Variants in RFX3 observed in about 807,000 individuals in gnomAD.
The protein encoded by RFX3 is regulatory factor X3.
A neutral mutation model predicts 98.6 loss-of-function variants in RFX3; 14 were observed. The ratio of observed to expected loss-of-function variants is 0.14; its 90% CI spans 0.09 to 0.22. The LOEUF (loss-of-function observed/expected upper bound fraction) is 0.22. Among genes scored for constraint, RFX3 ranks in the 10% least tolerant of loss-of-function variants. RFX3 has a pLI of 1.00. For missense variants in RFX3, 639 were observed against 926.9 expected (o/e 0.69, Z 4.03); for synonymous variants, 383 against 328.4 (o/e 1.17, Z -1.80).
chr9:3,424,348 CTTTTTT>C (rs748693786), intron 1 of RFX3, among the ~76,000 whole-genome samples: 12 of 76,004 alleles, frequency 1.6e-4, no homozygotes, highest in East Asian at 3.8e-4. Flanking sequence ...ACATAATTGA[CTTTTTT>C]TTTTTTTTTT....
chr9:3,226,175 CAG>C (rs1027199959), intron 16 of RFX3, among the ~76,000 whole-genome samples: 2 of 152,128 alleles, frequency 1.3e-5, no homozygotes, highest in African/African-American at 4.8e-5. Flanking sequence ...CTTGTATAAA[CAG>C]AGTCAGGTCT....
rs79998712 is a variant in RFX3, at chr9:3,257,690, A to G, written c.1606-491T>C. Among the ~76,000 whole-genome samples, 282 of 152,324 alleles carry G rather than the reference A, an allele frequency of 1.9e-3. 2 individuals carry two copies. Among genetic ancestry groups the G allele is most frequent in the African/African-American group, 6.7e-3 (278 of 41,572 alleles). ...CAAAAGAGGTCCCCTCAAGATTAAAACAGAAACAAACACTAAATGATACTA... is the reference window on the plus strand; with the variant it reads ...CAAAAGAGGTCCCCTCAAGATTAAAGCAGAAACAAACACTAAATGATACTA... On this transcript the variant is annotated intron_variant, in intron 13 of 16. Transcript: ENST00000617270.
intron 4 of RFX3, among the ~76,000 whole-genome samples, chr9:3,316,741 C>A (rs1224268023): frequency 2.0e-5 from 3 of 152,098 alleles, no homozygotes; most frequent in African/African-American, 4.8e-5. Flanking sequence ...GACAGAGAGC[C>A]AAATCATGAA....
At chr9:3,426,983 C>T (rs1844101915) in intron 1 of RFX3, among the ~76,000 whole-genome samples, 1 of 151,928 alleles carries the variant, frequency 6.6e-6, no homozygotes, top group Non-Finnish European at 1.5e-5. Context: ...TGGTATAGAA[C>T]ACTAGTAGTT....
At chr9:3,265,042 C>A in intron 12 of RFX3, among the ~76,000 whole-genome samples, 1 of 152,156 alleles carries the variant, frequency 6.6e-6, no homozygotes, top group Admixed American at 6.5e-5. Context: ...TACAACAGCA[C>A]TGCCAAAGAG....
At chr9:3,245,199 C>A (rs1820501886) in intron 15 of RFX3, among the ~76,000 whole-genome samples, 1 of 152,168 alleles carries the variant, frequency 6.6e-6, no homozygotes, top group African/African-American at 2.4e-5. Flanking sequence ...TTAAGGTATT[C>A]TGGAGTAACT....
intron 1 of RFX3, among the ~76,000 whole-genome samples, chr9:3,447,927 T>A (rs1022543375): frequency 4.6e-5 from 7 of 152,146 alleles, no homozygotes; most frequent in African/African-American, 1.7e-4. Flanking sequence ...CAGGCAAGCC[T>A]AATATACTCC....
At chr9:3,414,358 C>G (rs965236174) in intron 1 of RFX3, among the ~76,000 whole-genome samples, 2 of 151,962 alleles carry the variant, frequency 1.3e-5, no homozygotes, top group African/African-American at 2.4e-5. Flanking sequence ...AAGTCATTAT[C>G]TTGCAAAATC....
intron 1 of RFX3, among the ~76,000 whole-genome samples, chr9:3,418,326 A>G (rs868495044): frequency 2.6e-5 from 4 of 152,224 alleles, no homozygotes; most frequent in African/African-American, 2.4e-5. Flanking sequence ...TAAGAGCTCA[A>G]TAAATGGTAA....
At chr9:3,363,321 G>A (rs1244444991) in intron 2 of RFX3, among the ~76,000 whole-genome samples, 5 of 152,066 alleles carry the variant, frequency 3.3e-5, no homozygotes, top group African/African-American at 1.2e-4. Flanking sequence ...TCTAACTACA[G>A]AAAATTAAGT....
chr9:3,376,408 G>A (rs1383839898), intron 2 of RFX3, among the ~76,000 whole-genome samples: 4 of 152,230 alleles, frequency 2.6e-5, no homozygotes, highest in East Asian at 1.9e-4. Context: ...CAACCTAAAT[G>A]TTCAACAATA....
intron 3 of RFX3, among the ~76,000 whole-genome samples, chr9:3,341,648 T>C (rs1453482016): frequency 6.6e-6 from 1 of 152,166 alleles, no homozygotes; most frequent in Non-Finnish European, 1.5e-5. Context: ...CAAATATAGA[T>C]TGAGCACCGA....
chr9:3,524,690 T>C (rs1819042333), intron 1 of RFX3: 2 of 871,138 alleles, frequency 2.3e-6, no homozygotes, highest in Admixed American at 6.2e-5. Flanking sequence ...GTTAACACTC[T>C]ACTGCGGGGA....
chr9:3,271,038 A>G lies in RFX3; in HGVS notation c.1167T>C (p.Ser389=). Residue 389 remains serine, a synonymous_variant, in exon 10 of 17, where the codon TCT becomes TCC. Coordinates refer to ENST00000617270, the MANE Select transcript of RFX3 (RefSeq NM_001282116.2). ...LWQTFWRYSP[S]TPTDGTTITE... ...TAATGGTAGTGCCATCAGTTGGAGTAGAGGGAGAATAGCGCCAGAATGTTT... is the reference window on the plus strand; with the variant it reads ...TAATGGTAGTGCCATCAGTTGGAGTGGAGGGAGAATAGCGCCAGAATGTTT... 6.2e-7 allele frequency: 1 copy of G among 1,613,788 alleles called. No individual in the cohort carries two copies.
chr9:3,476,836 A>C (rs1849306451), intron 1 of RFX3, among the ~76,000 whole-genome samples: 1 of 152,152 alleles, frequency 6.6e-6, no homozygotes, highest in Non-Finnish European at 1.5e-5. Context: ...GGTGTAAAGC[A>C]GTATTTAAAA....
chr9:3,517,129 T>A (rs1818261034), intron 1 of RFX3, among the ~76,000 whole-genome samples: 1 of 152,242 alleles, frequency 6.6e-6, no homozygotes, highest in South Asian at 2.1e-4. Flanking sequence ...TGGCTCCATG[T>A]TATTGGCATG....
In RFX3 at chr9:3,220,554, A is replaced by G. The variant is rs1817289084; in HGVS notation, c.*4488T>C. On this transcript the variant is annotated 3_prime_UTR_variant, in exon 17 of 17. Transcript: ENST00000617270. ...TAGATGGCAGTGAATATTTGGGAAT[A>G]AATATATCAAGCCCTCTTGAAGAAA... 1 of 152,098 alleles carries G rather than the reference A, an allele frequency of 6.6e-6. No individual in the cohort carries two copies. The highest frequency in any genetic ancestry group is 2.4e-5 in the African/African-American group (1 of 41,432). The allele number at this position is 152,098 out of a possible 1,614,324, so 9.4% of individuals were successfully genotyped here.
intron 1 of RFX3, among the ~76,000 whole-genome samples, chr9:3,447,010 GC>G: frequency 6.6e-6 from 1 of 152,018 alleles, no homozygotes; most frequent in Admixed American, 6.6e-5. Context: ...TGACAACAAA[GC>G]ATTACTTATT....
At chr9:3,343,954 G>T (rs1332852578) in intron 3 of RFX3, among the ~76,000 whole-genome samples, 1 of 152,250 alleles carries the variant, frequency 6.6e-6, no homozygotes, top group South Asian at 2.1e-4. Context: ...TATTTGCTTT[G>T]AATCATTTCT....
Sources: gnomAD v4.1 joint callset for allele counts (sites outside exome capture counted in the v4.1 genomes callset) on GRCh38, gnomAD v4.1.1 for gene constraint, MANE v1.5 for transcripts, NCBI Gene and HGNC (gene_info 2026-07-23, HGNC 2026-07-21) for gene names.